RALGPS2: variants seen among roughly 807,000 people sequenced by gnomAD.
RALGPS2 encodes the protein Ral GEF with PH domain and SH3 binding motif 2, also known as ras-specific guanine nucleotide-releasing factor RalGPS2.
A neutral mutation model predicts 86.8 loss-of-function variants in RALGPS2; 43 were observed. That is an observed-to-expected ratio of 0.50 (90% confidence interval 0.39 to 0.64). The LOEUF (loss-of-function observed/expected upper bound fraction) is 0.64, where lower values mean the gene tolerates loss of function less well. RALGPS2 is among the 30% of genes least tolerant of loss of function. The pLI is 0.00. For missense variants in RALGPS2, 536 were observed against 694.6 expected (o/e 0.77, Z 2.57); for synonymous variants, 243 against 231.3 (o/e 1.05, Z -0.46).
At chr1:178,735,596 G>A (rs1000383106) in intron 1 of RALGPS2, among the ~76,000 whole-genome samples, 2 of 82,034 alleles carry the variant, frequency 2.4e-5, no homozygotes, top group African/African-American at 5.7e-5. Context: ...GCTAATTTTT[G>A]TATTCTTTTT....
chr1:178,782,329 C>T (rs1653433792), intron 2 of RALGPS2, among the ~76,000 whole-genome samples: 1 of 152,054 alleles, frequency 6.6e-6, no homozygotes, highest in Non-Finnish European at 1.5e-5. Context: ...ACAGTAAAGA[C>T]AGAGAAAAAT....
At chr1:178,811,080 A>G (rs1254926486) in intron 5 of RALGPS2, among the ~76,000 whole-genome samples, 1 of 151,946 alleles carries the variant, frequency 6.6e-6, no homozygotes, top group Non-Finnish European at 1.5e-5. Context: ...TTTTCTTTTG[A>G]TATTTTATTT....
intron 2 of RALGPS2, among the ~76,000 whole-genome samples, chr1:178,781,091 A>G (rs1653371742): frequency 6.6e-6 from 1 of 152,090 alleles, no homozygotes; most frequent in Non-Finnish European, 1.5e-5. Context: ...GAAGCAGAAT[A>G]CAAATATTTG....
rs555318290 is a variant in RALGPS2 at position 178,756,896 on chromosome 1, T to C, written c.-83-19786T>C. ...AGTTTAGGGAGGAGTCCCTCCTCCTTAATTTTTTTGATTCTTTCAAACCAG... is the reference window on the plus strand; with the variant it reads ...AGTTTAGGGAGGAGTCCCTCCTCCTCAATTTTTTTGATTCTTTCAAACCAG... On this transcript the variant is annotated intron_variant, in intron 1 of 19. Transcript: ENST00000367635. Among the ~76,000 whole-genome samples, 5 of 152,302 alleles carry C rather than the reference T, an allele frequency of 3.3e-5. No individual in the cohort carries two copies. The South Asian group carries it at 1.0e-3, about 32-fold the overall frequency.
At chr1:178,871,702 C>T (rs1255939544) in intron 8 of RALGPS2, among the ~76,000 whole-genome samples, 1 of 152,142 alleles carries the variant, frequency 6.6e-6, no homozygotes, top group Non-Finnish European at 1.5e-5. Context: ...TACATAATGT[C>T]ATATCCTCCT....
chr1:178,918,409 G>T lies in RALGPS2; in HGVS notation c.*2050G>T, dbSNP rs1374115841. The T allele has an allele frequency of 6.6e-6, 1 of 151,950 alleles. No individual in the cohort carries two copies. Among genetic ancestry groups the T allele is most frequent in the Non-Finnish European group, 1.5e-5 (1 of 67,936 alleles). 9.4% of individuals were successfully genotyped at this position (151,950 alleles called of 1,614,324 possible). The stretch of plus-strand genomic sequence containing the variant: ...CCTGTGGATTTTTTTTATTTCATTT[G>T]TTTGTCATAATAAGCTAACGTAGAA... On this transcript the variant is annotated 3_prime_UTR_variant, in exon 20 of 20. Coordinates refer to ENST00000367635, the MANE Select transcript of RALGPS2 (RefSeq NM_152663.5).
chr1:178,758,033 G>C (rs966227636), intron 1 of RALGPS2, among the ~76,000 whole-genome samples: 11 of 152,024 alleles, frequency 7.2e-5, no homozygotes, highest in African/African-American at 2.4e-4. Flanking sequence ...TGATTTTTCA[G>C]GAATTTATCC....
intron 17 of RALGPS2, among the ~76,000 whole-genome samples, chr1:178,901,724 T>A (rs1660184905): frequency 6.6e-6 from 1 of 151,212 alleles, no homozygotes; most frequent in South Asian, 2.1e-4. Context: ...CACTGCTGAT[T>A]TATTACATCA....
intron 1 of RALGPS2, chr1:178,747,219 C>T (rs1651388702): frequency 8.8e-6 from 12 of 1,368,798 alleles, no homozygotes; most frequent in Non-Finnish European, 9.4e-6. Flanking sequence ...ACCACAGGTC[C>T]ATGGTCAGGG....
At chr1:178,727,882 AT>A (rs1650119840) in intron 1 of RALGPS2, among the ~76,000 whole-genome samples, 1 of 152,180 alleles carries the variant, frequency 6.6e-6, no homozygotes, top group East Asian at 1.9e-4. Context: ...AAGTGGGCAA[AT>A]ATGTTTGTTT....
intron 8 of RALGPS2, among the ~76,000 whole-genome samples, chr1:178,835,836 T>G (rs530598667): frequency 6.6e-6 from 1 of 152,364 alleles, no homozygotes; most frequent in South Asian, 2.1e-4. Flanking sequence ...CAATTATACC[T>G]GCTGAACTCT....
Position 178,737,817 on chromosome 1 carries a change from A to G in RALGPS2, c.-84+12398A>G, listed in dbSNP as rs112162437. ...TTTTGAGATAGGGTCTCACTCTCTCACCCAGACTGGATTCCAATGGCATGA... is the reference window on the plus strand; with the variant it reads ...TTTTGAGATAGGGTCTCACTCTCTCGCCCAGACTGGATTCCAATGGCATGA... On this transcript the variant is annotated intron_variant, in intron 1 of 19. Transcript: ENST00000367635. Among the ~76,000 whole-genome samples, 751 of 152,144 alleles carry G rather than the reference A, an allele frequency of 4.9e-3. 7 individuals carry two copies. Among genetic ancestry groups the G allele is most frequent in the African/African-American group, 0.016 (684 of 41,518 alleles).
At chr1:178,784,561 A>G (rs1558118186) in intron 3 of RALGPS2, 39 bp downstream of exon 3, 5 of 1,463,344 alleles carry the variant, frequency 3.4e-6, no homozygotes, top group East Asian at 2.3e-5. Flanking sequence ...TTTTGCACAT[A>G]ATTTACATAT....
At chr1:178,914,767 A>G (rs1440017811) in intron 19 of RALGPS2, among the ~76,000 whole-genome samples, 3 of 152,136 alleles carry the variant, frequency 2.0e-5, no homozygotes, top group Non-Finnish European at 4.4e-5. Flanking sequence ...ATTTAGTACC[A>G]TTTTTAGCAA....
chr1:178,780,011 G>T (rs1201354302), intron 2 of RALGPS2, among the ~76,000 whole-genome samples: 2 of 152,174 alleles, frequency 1.3e-5, no homozygotes, highest in African/African-American at 4.8e-5. Flanking sequence ...TGGGATTATA[G>T]ATGTGAGCCA....
At chr1:178,807,898 C>G (rs1488292686) in intron 4 of RALGPS2, 147 bp from the exon 5 acceptor site, 2 of 671,866 alleles carry the variant, frequency 3.0e-6, no homozygotes, top group Non-Finnish European at 5.3e-6. Flanking sequence ...TGTGATCCAA[C>G]TGAATGGATA....
At chr1:178,874,372 C>T (rs998517251) in intron 8 of RALGPS2, among the ~76,000 whole-genome samples, 1 of 152,170 alleles carries the variant, frequency 6.6e-6, no homozygotes, top group African/African-American at 2.4e-5. Flanking sequence ...AAATACACCT[C>T]AATTCAGAAT....
chr1:178,893,453 C>A (rs372667870), intron 15 of RALGPS2, among the ~76,000 whole-genome samples: 1 of 116,292 alleles, frequency 8.6e-6, no homozygotes, highest in Admixed American at 8.3e-5. Flanking sequence ...AGCATGTTTT[C>A]TTTTTTTTTT....
At chr1:178,864,884 G>T in intron 8 of RALGPS2, 2 of 1,050,002 alleles carry the variant, frequency 1.9e-6, no homozygotes, top group South Asian at 6.7e-5. Context: ...CATTTATTAT[G>T]AGCATTGTTT....
Sources: allele counts gnomAD v4.1 joint callset (sites outside exome capture counted in the v4.1 genomes callset), GRCh38; gene constraint gnomAD v4.1.1; transcripts MANE v1.5; gene names NCBI Gene and HGNC (gene_info 2026-07-23, HGNC 2026-07-21).